The following CBX8 variants were observed in gnomAD, a reference collection of about 807,000 sequenced individuals.
CBX8 encodes chromobox protein homolog 8.
Under a neutral mutation model 39.7 loss-of-function variants are expected in CBX8, and 8 were observed. That is an observed-to-expected ratio of 0.20 (90% CI 0.12 to 0.36). CBX8 has a LOEUF of 0.36. Ranked by LOEUF, CBX8 falls within the 10% of genes least tolerant of loss-of-function variation. CBX8 has a pLI of 1.00. For missense variants in CBX8, 505 were observed against 529.6 expected, an observed-to-expected ratio of 0.95 and a Z score of 0.46; for synonymous variants, 268 against 219.8, an observed-to-expected ratio of 1.22 and a Z score of -1.94.
At chr17:79,796,449 C>T (rs1235774668) in intron 2 of CBX8, 48 bp downstream of exon 2, 5 of 1,612,224 alleles carry the variant, frequency 3.1e-6, no homozygotes, top group Middle Eastern at 1.6e-4. Flanking sequence ...AAGAAAGAAA[C>T]CTCCCGAATA....
chr17:79,793,755 C>G lies in CBX8; in HGVS notation c.*880G>C, dbSNP rs1042129498. 1.3e-5 allele frequency: 2 copies of G among 152,278 alleles called. No homozygotes were observed. The highest frequency in any genetic ancestry group is 4.1e-4 in the South Asian group (2 of 4,836). 9.4% of individuals were successfully genotyped at this position (152,278 alleles called of 1,614,324 possible). A position where few individuals can be genotyped will look rare whatever the true frequency, so the allele number is the denominator to read the frequency against. ...CTGTCTCGAACTCTCAGCACTGACACGCAATCCTCCCAATTTATCCTGGCA... is the reference window on the plus strand; with the variant it reads ...CTGTCTCGAACTCTCAGCACTGACAGGCAATCCTCCCAATTTATCCTGGCA... On this transcript the variant is annotated 3_prime_UTR_variant, in exon 5 of 5. Transcript: ENST00000269385.
intron 3 of CBX8, 63 bp downstream of exon 3, chr17:79,796,187 G>A: frequency 2.5e-6 from 4 of 1,612,434 alleles, no homozygotes; most frequent in Non-Finnish European, 3.4e-6. Context: ...CTCTAGTCCA[G>A]GCTGGAAAGA....
chr17:79,796,428 G>A, intron 2 of CBX8, 69 bp downstream of exon 2: 1 of 1,603,566 alleles, frequency 6.2e-7, no homozygotes, highest in Non-Finnish European at 8.5e-7. Flanking sequence ...CAATGTAAAG[G>A]CAAAAAGAGG....
In CBX8 at chr17:79,796,140, A is replaced by G. The variant is rs747953841; in HGVS notation, c.180-17T>C. The G allele has an allele frequency of 6.2e-7, 1 of 1,613,954 alleles. No homozygotes were observed. The highest frequency in any genetic ancestry group is 1.1e-5 in the South Asian group (1 of 91,074). ...TCTCTTTCCCTGGAGAAAGAAGAAA[A>G]GGAGAAAGGGTGCGTGAGTAAAGAA... On this transcript the variant is annotated splice_polypyrimidine_tract_variant and intron_variant, in intron 3 of 4. Transcript: ENST00000269385.
intron 2 of CBX8, 23 bp from the exon 3 acceptor site, chr17:79,796,338 G>A: frequency 1.9e-6 from 3 of 1,613,374 alleles, no homozygotes; most frequent in Middle Eastern, 1.7e-4. Flanking sequence ...AGGAAGAAGT[G>A]GGCATCAGTC....
At position 79,792,926 on chromosome 17, in the gene CBX8, C is replaced by A. The variant is rs1041874186; in HGVS notation, c.*1709G>T. The stretch of plus-strand genomic sequence containing the variant: ...CACCCCCGACTCCCCGCCTCGCTCC[C>A]CCCGAGTCTGTGCTTCCTCTGGCGT... On this transcript the variant is annotated 3_prime_UTR_variant, in exon 5 of 5. Coordinates refer to ENST00000269385, the MANE Select transcript of CBX8 (RefSeq NM_020649.3). The A allele has an allele frequency of 6.6e-5, 10 of 151,738 alleles. No homozygotes were observed. Among genetic ancestry groups the A allele is most frequent in the African/African-American group, 2.4e-4 (10 of 41,296 alleles). 9.4% of individuals were successfully genotyped at this position (151,738 alleles called of 1,614,324 possible).
Position 79,794,066 on chromosome 17 carries a change from A to G in CBX8, c.*569T>C, listed in dbSNP as rs1598234418. The G allele has an allele frequency of 6.6e-6, 1 of 152,128 alleles. No homozygotes were observed. The highest frequency in any genetic ancestry group is 1.9e-4 in the East Asian group (1 of 5,184). 9.4% of individuals were successfully genotyped at this position (152,128 alleles called of 1,614,324 possible). Reference sequence around the variant, plus strand: ...ACCTTAAAAAAAAAAAAATAGAAAAAAGGAAAACAGACTGACCCCACCCCC... The same window carrying G: ...ACCTTAAAAAAAAAAAAATAGAAAAGAGGAAAACAGACTGACCCCACCCCC... On this transcript the variant is annotated 3_prime_UTR_variant, in exon 5 of 5. Transcript: ENST00000269385.
intron 2 of CBX8, 70 bp from the exon 3 acceptor site, chr17:79,796,385 G>C (rs1598236255): frequency 6.3e-7 from 1 of 1,591,406 alleles, no homozygotes; most frequent in Non-Finnish European, 8.6e-7. Flanking sequence ...GTGTGTGTGT[G>C]TGTAACTTTT....
Position 79,794,868 on chromosome 17 carries a change from G to A in CBX8, c.937C>T (p.Pro313Ser). ...TACAGGCCCCCCCCAGAGCTGGGGG[G>A]GCCTGAGCCATGTCGGACCCGGGTG... ...NGTRVRHGSG[P>S]PSSGGGLYRD... The change falls in exon 5 of 5, where the codon CCC (proline) becomes TCC (serine). Residue 313 changes from proline to serine, a missense_variant. By Grantham distance (74) the Pro-to-Ser change is moderately conservative. Transcript: ENST00000269385. 2 of 1,611,776 alleles carry A rather than the reference G, an allele frequency of 1.2e-6. No individual in the cohort carries two copies. Among genetic ancestry groups the A allele is most frequent in the Non-Finnish European group, 1.7e-6 (2 of 1,178,968 alleles).
rs1907968167 is a variant in CBX8, at chr17:79,793,915, G to A, written c.*720C>T. ...TACCACACACACACCCCTCCCTAAA[G>A]TGCATTTCCTGGTGTGGTCCTGGGG... On this transcript the variant is annotated 3_prime_UTR_variant, in exon 5 of 5. Transcript: ENST00000269385. The A allele has an allele frequency of 6.6e-6, 1 of 152,084 alleles. No individual in the cohort carries two copies. Among genetic ancestry groups the A allele is most frequent in the Admixed American group, 6.5e-5 (1 of 15,268 alleles). 9.4% of individuals were successfully genotyped at this position (152,084 alleles called of 1,614,324 possible).
chr17:79,795,146 G>T lies in CBX8; in HGVS notation c.659C>A (p.Ala220Asp). The T allele has an allele frequency of 1.9e-6, 3 of 1,613,766 alleles. No individual in the cohort carries two copies. The highest frequency in any genetic ancestry group is 1.7e-6 in the Non-Finnish European group (2 of 1,179,948). ...PSQRPLGEPSAGLGEYLKGRK... is the reference protein window; with the variant it reads ...PSQRPLGEPSDGLGEYLKGRK... ...GCCCTTGAGGTACTCTCCGAGGCCG[G>T]CGCTGGGTTCGCCTAAGGGCCTCTG... is the stretch of plus-strand genomic sequence containing the variant. Residue 220 changes from alanine (A) to aspartate (D), a missense_variant, in exon 5 of 5, where the codon GCC becomes GAC. By Grantham distance (126) the Ala-to-Asp change is moderately radical (BLOSUM62 -2). Coordinates refer to ENST00000269385, the MANE Select transcript of CBX8 (RefSeq NM_020649.3). The surrounding 1 kb of genome is among the most constrained non-coding windows in gnomAD (Gnocchi z 5.8).
In CBX8 at chr17:79,795,562, C is replaced by T. The variant is rs553249060; in HGVS notation, c.247-4G>A. 1.8e-5 allele frequency: 27 copies of T among 1,510,610 alleles called. No homozygotes were observed. The highest frequency in any genetic ancestry group is 1.5e-4 in the South Asian group (11 of 73,698). 93.6% of individuals were successfully genotyped at this position (1,510,610 alleles called of 1,614,324 possible). On this transcript the variant is annotated splice_polypyrimidine_tract_variant and splice_region_variant and intron_variant, in intron 4 of 4. Transcript: ENST00000269385. The surrounding 1 kb of genome is among the most constrained non-coding windows in gnomAD (Gnocchi z 5.8). ...TGGCCTTTGCCTTGGCCTGCGCCTG[C>T]AGGAGAGAAGATGGTCTCAAGAGTG...
rs1908043916 is a variant in CBX8 at position 79,795,385 on chromosome 17, G to A, written c.420C>T (p.Ser140=). The change falls in exon 5 of 5, where the codon AGC becomes AGT. Residue 140 remains serine (S), a synonymous_variant. Coordinates refer to ENST00000269385, the MANE Select transcript of CBX8 (RefSeq NM_020649.3). The surrounding 1 kb of genome is among the most constrained non-coding windows in gnomAD (Gnocchi z 5.8). ...CCCGAGGGGCCTCTGCGCGGCAGGT[G>A]CTGCTGGTGCTGGTGCTGCTCGCTG... ...SPPASSTSTS[S]TCRAEAPRDR... 1 of 1,600,616 alleles carries A rather than the reference G, an allele frequency of 6.2e-7. No individual in the cohort carries two copies. The highest frequency in any genetic ancestry group is 8.5e-7 in the Non-Finnish European group (1 of 1,174,524).
chr17:79,793,170 C>G lies in CBX8; in HGVS notation c.*1465G>C, dbSNP rs924404249. Reference sequence around the variant, plus strand: ...GTCCGCCGGGCAGGGGCGTCCCAGGCCCCGCCGCCTCGCACGGCCTTCCCC... The same window carrying G: ...GTCCGCCGGGCAGGGGCGTCCCAGGGCCCGCCGCCTCGCACGGCCTTCCCC... On this transcript the variant is annotated 3_prime_UTR_variant, in exon 5 of 5. Transcript: ENST00000269385. The G allele has an allele frequency of 5.3e-5, 8 of 152,192 alleles. No homozygotes were observed. The highest frequency in any genetic ancestry group is 1.9e-4 in the African/African-American group (8 of 41,446). 9.4% of individuals were successfully genotyped at this position (152,192 alleles called of 1,614,324 possible). A position where few individuals can be genotyped will look rare whatever the true frequency, so the allele number is the denominator to read the frequency against.
In CBX8 at chr17:79,794,396, A is replaced by C; in HGVS notation, c.*239T>G. ...AACAACTTCGAGTTGAAATATATAT[A>C]TTTAGATATTTTTCTTAAATAACAT... On this transcript the variant is annotated 3_prime_UTR_variant, in exon 5 of 5. Coordinates refer to ENST00000269385, the MANE Select transcript of CBX8 (RefSeq NM_020649.3). 1 of 266,234 alleles carries C rather than the reference A, an allele frequency of 3.8e-6. No homozygotes were observed. 16.5% of individuals were successfully genotyped at this position (266,234 alleles called of 1,614,324 possible). A position where few individuals can be genotyped will look rare whatever the true frequency, so the allele number is the denominator to read the frequency against.
rs769533367 is a variant in CBX8 at position 79,796,141 on chromosome 17, G to A, written c.180-18C>T. On this transcript the variant is annotated intron_variant, in intron 3 of 4. Coordinates refer to ENST00000269385, the MANE Select transcript of CBX8 (RefSeq NM_020649.3). ...CTCTTTCCCTGGAGAAAGAAGAAAA[G>A]GAGAAAGGGTGCGTGAGTAAAGAAA... The A allele has an allele frequency of 1.1e-5, 17 of 1,614,020 alleles. No individual in the cohort carries two copies. Among genetic ancestry groups the A allele is most frequent in the Non-Finnish European group, 1.3e-5 (15 of 1,179,974 alleles).
At position 79,796,134 on chromosome 17, in the gene CBX8, A is replaced by G. The variant is rs776770896; in HGVS notation, c.180-11T>C. Reference sequence around the variant, plus strand: ...TCCATCTCTCTTTCCCTGGAGAAAGAAGAAAAGGAGAAAGGGTGCGTGAGT... The same window carrying G: ...TCCATCTCTCTTTCCCTGGAGAAAGGAGAAAAGGAGAAAGGGTGCGTGAGT... On this transcript the variant is annotated splice_polypyrimidine_tract_variant and intron_variant, in intron 3 of 4. Coordinates refer to ENST00000269385, the MANE Select transcript of CBX8 (RefSeq NM_020649.3). 5.6e-6 allele frequency: 9 copies of G among 1,613,324 alleles called. No individual in the cohort carries two copies. The highest frequency in any genetic ancestry group is 7.6e-6 in the Non-Finnish European group (9 of 1,179,990).
At chr17:79,796,814 C>T (rs1469780042) in intron 1 of CBX8, 116 bp downstream of exon 1, 8 of 1,043,256 alleles carry the variant, frequency 7.7e-6, no homozygotes, top group Non-Finnish European at 9.5e-6. Flanking sequence ...GCCGCCACGG[C>T]CGCGGCCGCT....
Position 79,793,009 on chromosome 17 carries a change from C to CTA in CBX8, c.*1625_*1626insTA, listed in dbSNP as rs1163512281. The CTA allele has an allele frequency of 6.6e-6, 1 of 152,244 alleles. No individual in the cohort carries two copies. Among genetic ancestry groups the CTA allele is most frequent in the Non-Finnish European group, 1.5e-5 (1 of 68,074 alleles). The allele number at this position is 152,244 out of a possible 1,614,324, so 9.4% of individuals were successfully genotyped here. A position where few individuals can be genotyped will look rare whatever the true frequency, so the allele number is the denominator to read the frequency against. On this transcript the variant is annotated 3_prime_UTR_variant, in exon 5 of 5. Transcript: ENST00000269385. Reference sequence around the variant, plus strand: ...ATGGGAAGTTAGATCTTCGCTGGCCCTTTAAGGGCGGGGAGGGCAGGGAGG... The same window carrying CTA: ...ATGGGAAGTTAGATCTTCGCTGGCCCTATTTAAGGGCGGGGAGGGCAGGGAGG...
Sources: allele counts gnomAD v4.1 joint callset, GRCh38; gene constraint gnomAD v4.1.1; non-coding constraint Gnocchi (gnomAD v3.1); transcripts MANE v1.5; gene names NCBI Gene and HGNC (gene_info 2026-07-23, HGNC 2026-07-21).